Variants in CCDC136 observed in about 807,000 individuals in gnomAD.
CCDC136 encodes the protein coiled-coil domain-containing protein 136.
In CCDC136, 100 loss-of-function variants were observed where a neutral mutation model predicts 141.2. The ratio of observed to expected loss-of-function variants is 0.71; its 90% CI spans 0.60 to 0.84. CCDC136 has a LOEUF of 0.84. Among genes scored for constraint, CCDC136 ranks in the 40% least tolerant of loss-of-function variants. CCDC136 has a pLI of 0.00. For synonymous variants in CCDC136, 474 were observed against 531.9 expected, an observed-to-expected ratio of 0.89 and a Z score of 1.50; for missense variants, 1,206 against 1,379.4, an observed-to-expected ratio of 0.87 and a Z score of 1.99.
chr7:128,793,405 T>C (rs1048849043), intron 1 of CCDC136, among the ~76,000 whole-genome samples: 7 of 152,128 alleles, frequency 4.6e-5, no homozygotes, highest in Non-Finnish European at 1.0e-4. Flanking sequence ...CCTTGTGACA[T>C]GCAGCAGGGA....
intron 4 of CCDC136, among the ~76,000 whole-genome samples, chr7:128,801,816 A>G (rs1804075759): frequency 6.6e-6 from 1 of 152,218 alleles, no homozygotes; most frequent in East Asian, 1.9e-4. Context: ...TAAAGGGGAA[A>G]AACCTACCCA....
At chr7:128,804,593 G>C (rs1007850334) in intron 4 of CCDC136, 57 bp from the exon 5 acceptor site, 1 of 1,011,154 alleles carries the variant, frequency 9.9e-7, no homozygotes, top group African/African-American at 1.6e-5. Context: ...ACTGGGGGCT[G>C]GTCATCAGTG....
At chr7:128,819,951 C>T (rs1298424267) in intron 17 of CCDC136, among the ~76,000 whole-genome samples, 3 of 152,252 alleles carry the variant, frequency 2.0e-5, no homozygotes, top group African/African-American at 7.2e-5. Flanking sequence ...GTATGCTAAG[C>T]GTCCTCTCCC....
At chr7:128,809,332 G>A (rs1805347501) in intron 10 of CCDC136, 118 bp from the exon 11 acceptor site, 6 of 722,124 alleles carry the variant, frequency 8.3e-6, no homozygotes, top group Non-Finnish European at 1.2e-5. Flanking sequence ...ACCAGTCCAA[G>A]GTGACTGCAC....
At position 128,815,731 on chromosome 7, in the gene CCDC136, A is replaced by G; in HGVS notation, c.3163A>G (p.Lys1055Glu). ...EEKKQVKEEA[K>E]EQCGDELVAE... ...AAAAAAGCAAGTGAAAGAGGAAGCA[A>G]AGGAGCAGTGTGGGGATGAGCTAGT... The change falls in exon 16 of 18, where the codon AAG becomes GAG. Residue 1055 changes from lysine (K) to glutamate (E), a missense_variant. By Grantham distance (56) the Lys-to-Glu change is moderately conservative. Transcript: ENST00000297788. 6.4e-7 allele frequency: 1 copy of G among 1,559,596 alleles called. No homozygotes were observed.
chr7:128,791,623 C>T, upstream of CCDC136: 3 of 992,216 alleles, frequency 3.0e-6, no homozygotes, highest in Non-Finnish European at 3.9e-6. This position sits in a 1 kb window ranked among gnomAD's most constrained non-coding sequence, Gnocchi z 7.1. Flanking sequence ...CTTCCAGACC[C>T]CCAGGTGCTC....
intron 3 of CCDC136, among the ~76,000 whole-genome samples, chr7:128,797,970 T>C (rs904404852): frequency 6.6e-6 from 1 of 150,534 alleles, no homozygotes; most frequent in Non-Finnish European, 1.5e-5. Flanking sequence ...CAGGCTGGAG[T>C]GCAGTGGCGT....
At chr7:128,807,268 G>A in intron 9 of CCDC136, 92 bp from the exon 10 acceptor site, 1 of 950,224 alleles carries the variant, frequency 1.1e-6, no homozygotes, top group Non-Finnish European at 1.4e-6. Context: ...GAAGGACAAG[G>A]GAAGATGGGT....
chr7:128,815,719 A>G lies in CCDC136; in HGVS notation c.3151A>G (p.Lys1051Glu). 6.4e-7 allele frequency: 1 copy of G among 1,557,196 alleles called. No individual in the cohort carries two copies. The highest frequency in any genetic ancestry group is 8.7e-7 in the Non-Finnish European group (1 of 1,150,340). The part of the protein sequence containing the change: ...EEMEEEKKQV[K>E]EEAKEQCGDE... ...GATGGAGGAGGAAAAAAAGCAAGTG[A>G]AAGAGGAAGCAAAGGAGCAGTGTGG... Residue 1051 changes from lysine to glutamate, a missense_variant, in exon 16 of 18, where the codon AAA becomes GAA. By Grantham distance (56) the Lys-to-Glu change is moderately conservative. Transcript: ENST00000297788.
chr7:128,805,418 A>C lies in CCDC136; in HGVS notation c.842A>C (p.Glu281Ala), dbSNP rs747452078. ...CAAACACTGAGTATGACGTCAGCAG[A>C]GTCTCAGACTTCAGAAATGGATTTC... ...QSQTLSMTSA[E>A]SQTSEMDFLE... The change falls in exon 6 of 18, where the codon GAG (glutamate) becomes GCG (alanine). Residue 281 changes from glutamate (E) to alanine (A), a missense_variant. Physicochemically the swap from Glu to Ala is moderately radical, Grantham distance 107. Coordinates refer to ENST00000297788, the MANE Select transcript of CCDC136 (RefSeq NM_022742.5). This position sits in a 1 kb window ranked among gnomAD's most constrained non-coding sequence, Gnocchi z 4.6. The C allele has an allele frequency of 2.5e-6, 4 of 1,613,852 alleles. No homozygotes were observed. The highest frequency in any genetic ancestry group is 2.7e-5 in the African/African-American group (2 of 74,920).
intron 17 of CCDC136, among the ~76,000 whole-genome samples, chr7:128,820,132 G>C (rs779029340): frequency 3.3e-5 from 5 of 152,130 alleles, no homozygotes; most frequent in African/African-American, 1.2e-4. Flanking sequence ...ATCTACAGGG[G>C]TGGCAAGCCC....
intron 4 of CCDC136, among the ~76,000 whole-genome samples, chr7:128,803,532 G>A (rs758524520): frequency 1.3e-5 from 2 of 152,034 alleles, no homozygotes; most frequent in Non-Finnish European, 2.9e-5. Flanking sequence ...TGTGCCTGTA[G>A]TCACAGGTAC....
At chr7:128,819,261 TCCC>T (rs1807113387) in intron 17 of CCDC136, among the ~76,000 whole-genome samples, 2 of 152,208 alleles carry the variant, frequency 1.3e-5, no homozygotes, top group Non-Finnish European at 2.9e-5. Context: ...GGGCCTGTTA[TCCC>T]CAGAGCTCCA....
At chr7:128,816,391 G>A (rs185204274) in intron 16 of CCDC136, among the ~76,000 whole-genome samples, 1 of 152,204 alleles carries the variant, frequency 6.6e-6, no homozygotes. Context: ...GCTGTTAGGG[G>A]TGTGTCAGGG....
At chr7:128,800,457 T>C (rs976107170) in intron 3 of CCDC136, among the ~76,000 whole-genome samples, 1 of 144,876 alleles carries the variant, frequency 6.9e-6, no homozygotes, top group African/African-American at 2.6e-5. Flanking sequence ...CACCTGGCTT[T>C]CTTTTTTTTT....
rs760996646 is a variant in CCDC136, at chr7:128,821,930, G to A, written c.*137G>A. ...AGTGATGGCAGACCTTGGCCAGCGC[G>A]AGGGCAGATCCCCAGTGGCCACCAC... On this transcript the variant is annotated 3_prime_UTR_variant, in exon 18 of 18. Transcript: ENST00000297788. The surrounding 1 kb of genome is among the most constrained non-coding windows in gnomAD (Gnocchi z 5.1). The A allele has an allele frequency of 1.5e-5, 19 of 1,289,772 alleles. No homozygotes were observed. Among genetic ancestry groups the A allele is most frequent in the East Asian group, 5.5e-5 (1 of 18,020 alleles). 79.9% of individuals were successfully genotyped at this position (1,289,772 alleles called of 1,614,324 possible).
intron 1 of CCDC136, among the ~76,000 whole-genome samples, chr7:128,793,135 C>G (rs766841665): frequency 6.6e-6 from 1 of 152,200 alleles, no homozygotes; most frequent in African/African-American, 2.4e-5. Flanking sequence ...TAAAGTAAGA[C>G]CAGAGATTCA....
chr7:128,806,221 A>T lies in CCDC136; in HGVS notation c.1090-16A>T. On this transcript the variant is annotated splice_polypyrimidine_tract_variant and intron_variant, in intron 7 of 17. Transcript: ENST00000297788. ...TCTTGAGAGTAACTGTTCTACTCAC[A>T]TCCTCCCTACCACAGAATGAGGAGC... The T allele has an allele frequency of 6.5e-7, 1 of 1,542,708 alleles. No individual in the cohort carries two copies. The highest frequency in any genetic ancestry group is 8.8e-7 in the Non-Finnish European group (1 of 1,139,472).
At chr7:128,810,589 C>T (rs1266271024) in intron 12 of CCDC136, among the ~76,000 whole-genome samples, 2 of 152,228 alleles carry the variant, frequency 1.3e-5, no homozygotes, top group African/African-American at 2.4e-5. Flanking sequence ...TATCCTTTAT[C>T]ACACTGATAT....
Sources: allele counts gnomAD v4.1 joint callset (sites outside exome capture counted in the v4.1 genomes callset), GRCh38; gene constraint gnomAD v4.1.1; non-coding constraint Gnocchi (gnomAD v3.1); transcripts MANE v1.5; gene names NCBI Gene and HGNC (gene_info 2026-07-23, HGNC 2026-07-21).